Variants in L3MBTL3 observed in about 807,000 individuals in gnomAD.
The protein encoded by L3MBTL3 is lethal(3)malignant brain tumor-like protein 3.
Under a neutral mutation model 102.3 loss-of-function variants are expected in L3MBTL3, and 27 were observed. The ratio of observed to expected loss-of-function variants is 0.26; its 90% CI spans 0.19 to 0.36. The LOEUF is 0.36. Ranked by LOEUF, L3MBTL3 falls within the 10% of genes least tolerant of loss-of-function variation. The pLI, the probability that L3MBTL3 is intolerant of heterozygous loss-of-function variation, is 1.00. For synonymous variants in L3MBTL3, 340 were observed against 320.9 expected, an observed-to-expected ratio of 1.06 and a Z score of -0.64; for missense variants, 798 against 955.3, an observed-to-expected ratio of 0.84 and a Z score of 2.17.
chr6:130,133,947 C>A lies in L3MBTL3; in HGVS notation c.2199+42C>A. 2 of 1,454,584 alleles carry A rather than the reference C, an allele frequency of 1.4e-6. No homozygotes were observed. The highest frequency in any genetic ancestry group is 1.9e-6 in the Non-Finnish European group (2 of 1,036,544). The allele number at this position is 1,454,584 out of a possible 1,614,324, so 90.1% of individuals were successfully genotyped here. ...ATTGCAATATGTTACTTAATGGGAT[C>A]AAAGCACTGAAATGCAGTGGAAGGT... On this transcript the variant is annotated intron_variant, in intron 22 of 22. Transcript: ENST00000361794. This position sits in a 1 kb window ranked among gnomAD's most constrained non-coding sequence, Gnocchi z 4.9.
chr6:130,092,808 C>T lies in L3MBTL3; in HGVS notation c.1582C>T (p.His528Tyr). The change falls in exon 17 of 23, where the codon CAC becomes TAC. Residue 528 changes from histidine (H) to tyrosine (Y), a missense_variant. Transcript: ENST00000361794. The stretch of plus-strand genomic sequence containing the variant: ...GATAGATGCAGATTCTCCTGATATT[C>T]ACCCTGTAGGCTGGTGTTCAAAAAC... ...YWIDADSPDI[H>Y]PVGWCSKTGH... The T allele has an allele frequency of 6.2e-7, 1 of 1,613,320 alleles. No homozygotes were observed. Among genetic ancestry groups the T allele is most frequent in the Non-Finnish European group, 8.5e-7 (1 of 1,179,394 alleles).
At chr6:130,126,442 A>G (rs1194857745) in intron 20 of L3MBTL3, among the ~76,000 whole-genome samples, 2 of 152,096 alleles carry the variant, frequency 1.3e-5, no homozygotes, top group Non-Finnish European at 2.9e-5. Flanking sequence ...CTTACCCTCC[A>G]TGGTATTAGA....
At chr6:130,077,171 C>T (rs1035328341) in intron 13 of L3MBTL3, among the ~76,000 whole-genome samples, 1 of 151,862 alleles carries the variant, frequency 6.6e-6, no homozygotes, top group Non-Finnish European at 1.5e-5. Context: ...AATTAACATC[C>T]TTCCCTAAAA....
chr6:130,033,833 G>A, intron 2 of L3MBTL3, among the ~76,000 whole-genome samples: 1 of 152,172 alleles, frequency 6.6e-6, no homozygotes, highest in Non-Finnish European at 1.5e-5. Context: ...CTATTTAACT[G>A]GTCTTGATGA....
rs554502482 is a variant in L3MBTL3, at chr6:130,116,602, A to AATCCTT, written c.1887-4275_1887-4274insCCTTAT. Among the ~76,000 whole-genome samples the AATCCTT allele has an allele frequency of 3.9e-3, 593 of 152,140 alleles. 2 individuals carry two copies. The highest frequency in any genetic ancestry group is 0.01 in the Middle Eastern group (3 of 294). ...ACGCTGTTTCTACAAAAAAATTAAA[A>AATCCTT]ATTAGCCAGGCATGGTAGCGCATGC... On this transcript the variant is annotated intron_variant, in intron 19 of 22. Coordinates refer to ENST00000361794, the MANE Select transcript of L3MBTL3 (RefSeq NM_032438.4).
chr6:130,117,074 A>C, intron 19 of L3MBTL3, among the ~76,000 whole-genome samples: 1 of 136,118 alleles, frequency 7.3e-6, no homozygotes, highest in South Asian at 2.6e-4. Context: ...TGCACCCACT[A>C]ACTCGTCATC....
At chr6:130,112,931 G>A (rs912755465) in intron 19 of L3MBTL3, among the ~76,000 whole-genome samples, 5 of 152,178 alleles carry the variant, frequency 3.3e-5, no homozygotes, top group Admixed American at 3.3e-4. Flanking sequence ...AGTGCTTGCT[G>A]TGAAAAGATG....
rs189009001 is a variant in L3MBTL3 at position 130,112,388 on chromosome 6, A to T, written c.1886+7813A>T. ...TGTATAACATTTCTGTTCAGTTAAA[A>T]CTCCTACACTTTGAACTGTGAGATC... is the stretch of plus-strand genomic sequence containing the variant. On this transcript the variant is annotated intron_variant, in intron 19 of 22. Transcript: ENST00000361794. Among the ~76,000 whole-genome samples the T allele has an allele frequency of 2.6e-4, 39 of 152,032 alleles. 1 individual carries two copies. Among genetic ancestry groups the T allele is most frequent in the African/African-American group, 8.7e-4 (36 of 41,452 alleles).
intron 20 of L3MBTL3, among the ~76,000 whole-genome samples, chr6:130,132,987 C>T (rs568862209): frequency 1.7e-5 from 2 of 118,248 alleles, no homozygotes; most frequent in African/African-American, 5.1e-5. Flanking sequence ...GTTAAAAAAC[C>T]AAACCAAGCC....
chr6:130,121,570 A>G (rs1786205726), intron 20 of L3MBTL3, among the ~76,000 whole-genome samples: 1 of 152,198 alleles, frequency 6.6e-6, no homozygotes, highest in East Asian at 1.9e-4. Context: ...ACAATATTGT[A>G]CATAAAGTTT....
rs148898348 is a variant in L3MBTL3, at chr6:130,041,288, G to A, written c.-15-1397G>A. Among the ~76,000 whole-genome samples the A allele has an allele frequency of 3.5e-3, 527 of 152,280 alleles. 7 individuals are homozygous for A. Among genetic ancestry groups the A allele is most frequent in the African/African-American group, 0.012 (498 of 41,554 alleles). ...TTCCTGGCAAGGCTACTTCATAGAT[G>A]GTGTTGGGTTTGCATTCCTGGCAGC... On this transcript the variant is annotated intron_variant, in intron 2 of 22. Coordinates refer to ENST00000361794, the MANE Select transcript of L3MBTL3 (RefSeq NM_032438.4).
chr6:130,042,742 G>A lies in L3MBTL3; in HGVS notation c.43G>A (p.Val15Met), dbSNP rs527613240. The change falls in exon 3 of 23, where the codon GTG becomes ATG. Residue 15 changes from valine to methionine, a missense_variant. Val to Met is a conservative substitution (Grantham distance 21). Coordinates refer to ENST00000361794, the MANE Select transcript of L3MBTL3 (RefSeq NM_032438.4). Reference sequence around the variant, plus strand: ...TAGCACAAGTGGTCAAGAGTTTGATGTGTTCAGTGTTATGGACTGGAAAGA... The same window carrying A: ...TAGCACAAGTGGTCAAGAGTTTGATATGTTCAGTGTTATGGACTGGAAAGA... ...ASSTSGQEFD[V>M]FSVMDWKDGV... The A allele has an allele frequency of 6.2e-7, 1 of 1,613,758 alleles. No homozygotes were observed. The highest frequency in any genetic ancestry group is 8.5e-7 in the Non-Finnish European group (1 of 1,179,740).
At chr6:130,120,802 A>T in intron 19 of L3MBTL3, 77 bp from the exon 20 acceptor site, 1 of 1,036,290 alleles carries the variant, frequency 9.6e-7, no homozygotes, top group East Asian at 2.4e-5. Context: ...TAGGAAAAGC[A>T]CTTGTTGAGA....
At chr6:130,063,489 A>G (rs746954084) in intron 10 of L3MBTL3, among the ~76,000 whole-genome samples, 2 of 152,122 alleles carry the variant, frequency 1.3e-5, no homozygotes, top group Non-Finnish European at 2.9e-5. Flanking sequence ...ACGCTCCACA[A>G]ATTACCTTGT....
chr6:130,092,462 T>G (rs1012951767), intron 16 of L3MBTL3, among the ~76,000 whole-genome samples: 2 of 152,188 alleles, frequency 1.3e-5, no homozygotes, highest in East Asian at 3.8e-4. Context: ...GTTCTCATGT[T>G]GCTCATGGTG....
At position 130,133,702 on chromosome 6, in the gene L3MBTL3, C is replaced by T. The variant is rs539130666; in HGVS notation, c.2136+81C>T. On this transcript the variant is annotated intron_variant, in intron 21 of 22. Transcript: ENST00000361794. This position sits in a 1 kb window ranked among gnomAD's most constrained non-coding sequence, Gnocchi z 4.9. ...GGTGTGGAACATTGAGCGTAGGTAG[C>T]GTTTAGTCTTTTTTTTTCTGAAAGA... is the stretch of plus-strand genomic sequence containing the variant. The T allele has an allele frequency of 2.1e-5, 32 of 1,537,980 alleles. No individual in the cohort carries two copies. The Admixed American group carries it at 2.4e-4, about 11-fold the overall frequency.
chr6:130,134,073 T>G (rs946064532), intron 22 of L3MBTL3, among the ~76,000 whole-genome samples, 168 bp downstream of exon 22: 9 of 152,168 alleles, frequency 5.9e-5, no homozygotes, highest in Admixed American at 2.0e-4. Flanking sequence ...TATAAAAATG[T>G]CTTTGTATAA....
chr6:130,129,703 G>A (rs1030833305), intron 20 of L3MBTL3, among the ~76,000 whole-genome samples: 1 of 152,170 alleles, frequency 6.6e-6, no homozygotes, highest in Non-Finnish European at 1.5e-5. Context: ...AATGGTTTGA[G>A]AGGAGAGTGG....
At chr6:130,062,822 G>A (rs1015729649) in intron 10 of L3MBTL3, among the ~76,000 whole-genome samples, 3 of 150,116 alleles carry the variant, frequency 2.0e-5, no homozygotes, top group African/African-American at 7.3e-5. Context: ...AAAAGGTCCA[G>A]TGAGCATCCT....
Sources: gnomAD v4.1 joint callset for allele counts (sites outside exome capture counted in the v4.1 genomes callset) on GRCh38, gnomAD v4.1.1 for gene constraint, Gnocchi (gnomAD v3.1) non-coding constraint, MANE v1.5 for transcripts, NCBI Gene and HGNC (gene_info 2026-07-23, HGNC 2026-07-21) for gene names.